COLEC12: variants seen among roughly 807,000 people sequenced by gnomAD.
COLEC12 encodes collectin subfamily member 12, also known as collectin-12.
Under a neutral mutation model 71.1 loss-of-function variants are expected in COLEC12, and 33 were observed. That is an observed-to-expected ratio of 0.46 (90% CI 0.35 to 0.62). The LOEUF (loss-of-function observed/expected upper bound fraction) is 0.62, where lower values mean the gene tolerates loss of function less well. Among genes scored for constraint, COLEC12 ranks in the 20% least tolerant of loss-of-function variants. The pLI is 0.00. For synonymous variants in COLEC12, 350 were observed against 353.0 expected (o/e 0.99, Z 0.10); for missense variants, 765 against 916.1 (o/e 0.84, Z 2.13).
chr18:442,726 C>A (rs1344589892), intron 2 of COLEC12, among the ~76,000 whole-genome samples: 5 of 152,230 alleles, frequency 3.3e-5, no homozygotes, highest in African/African-American at 1.2e-4. Context: ...CTTTGGGAGG[C>A]CAAGGCAGGC....
intron 8 of COLEC12, among the ~76,000 whole-genome samples, chr18:325,350 G>A (rs757811691): frequency 7.2e-5 from 11 of 152,120 alleles, no homozygotes; most frequent in East Asian, 1.9e-4. Flanking sequence ...ATGAGGTCCC[G>A]TGGACAGAGG....
intron 2 of COLEC12, among the ~76,000 whole-genome samples, chr18:448,179 G>A (rs1485829476): frequency 6.6e-6 from 1 of 152,186 alleles, no homozygotes; most frequent in Non-Finnish European, 1.5e-5. Context: ...ACTTTTTGTA[G>A]TAATCTTCTT....
chr18:333,265 C>T (rs991997974), intron 6 of COLEC12, 122 bp from the exon 7 acceptor site: 14 of 771,992 alleles, frequency 1.8e-5, no homozygotes, highest in East Asian at 1.6e-4. Flanking sequence ...CGTCCCTGCA[C>T]GAGGCCCACA....
chr18:409,584 C>G (rs1270145199), intron 2 of COLEC12, among the ~76,000 whole-genome samples: 2 of 152,136 alleles, frequency 1.3e-5, no homozygotes, highest in Non-Finnish European at 2.9e-5. Flanking sequence ...TAGAAAGTAC[C>G]AATGAGTTGT....
chr18:455,278 C>CTTTTTTTTTTTTT (rs33915278), intron 2 of COLEC12, among the ~76,000 whole-genome samples: 1 of 132,484 alleles, frequency 7.5e-6, no homozygotes, highest in African/African-American at 2.9e-5. Flanking sequence ...TTATTTTACG[C>CTTTTTTTTTTTTT]TTTTTTTTTT....
At chr18:384,014 C>T (rs1392271940) in intron 2 of COLEC12, among the ~76,000 whole-genome samples, 1 of 152,138 alleles carries the variant, frequency 6.6e-6, no homozygotes, top group Non-Finnish European at 1.5e-5. Flanking sequence ...GGGGAAACCG[C>T]CCCCATGATC....
chr18:425,282 C>T (rs1916178274), intron 2 of COLEC12, among the ~76,000 whole-genome samples: 1 of 152,192 alleles, frequency 6.6e-6, no homozygotes, highest in South Asian at 2.1e-4. Context: ...CTACTGGAAG[C>T]ATCTTCCTAC....
At chr18:441,109 G>C (rs1401246212) in intron 2 of COLEC12, among the ~76,000 whole-genome samples, 1 of 16,496 alleles carries the variant, frequency 6.1e-5, no homozygotes, top group African/African-American at 1.1e-4. Context: ...TTGGCCAGGC[G>C]TGGTGGCGGG....
chr18:465,012 A>G (rs1292678214), intron 2 of COLEC12, among the ~76,000 whole-genome samples: 2 of 152,104 alleles, frequency 1.3e-5, no homozygotes, highest in Non-Finnish European at 2.9e-5. Context: ...CTGGGATCAC[A>G]TTCTCCCTCA....
chr18:344,748 C>T (rs540411787), intron 5 of COLEC12, among the ~76,000 whole-genome samples: 1 of 152,246 alleles, frequency 6.6e-6, no homozygotes, highest in South Asian at 2.1e-4. Context: ...TGTTTTGTCT[C>T]ATCCATTTAT....
At chr18:455,211 G>A (rs1245301170) in intron 2 of COLEC12, among the ~76,000 whole-genome samples, 2 of 151,838 alleles carry the variant, frequency 1.3e-5, no homozygotes, top group Admixed American at 6.6e-5. Flanking sequence ...GAAAGGCATT[G>A]TGATGCTATA....
chr18:471,322 C>G (rs1031109787), intron 2 of COLEC12, among the ~76,000 whole-genome samples: 3 of 151,802 alleles, frequency 2.0e-5, no homozygotes, highest in Admixed American at 6.6e-5. Context: ...AGATTTGGAA[C>G]TTTCTCATTT....
At chr18:436,797 A>G (rs1916415913) in intron 2 of COLEC12, among the ~76,000 whole-genome samples, 1 of 151,844 alleles carries the variant, frequency 6.6e-6, no homozygotes, top group Non-Finnish European at 1.5e-5. Flanking sequence ...TTCCTCTACC[A>G]CCAGCTGCCA....
At chr18:333,758 C>A in intron 6 of COLEC12, 1 of 152,180 alleles carries the variant, frequency 6.6e-6, no homozygotes. Flanking sequence ...TGGAGCTAAC[C>A]GAGGGAGCCC....
chr18:344,952 A>G (rs753791619), intron 5 of COLEC12, among the ~76,000 whole-genome samples: 1 of 152,238 alleles, frequency 6.6e-6, no homozygotes, highest in African/African-American at 2.4e-5. Context: ...GAGTCCTGCC[A>G]TCTGCTATCC....
intron 1 of COLEC12, among the ~76,000 whole-genome samples, chr18:485,023 T>C (rs2143779843): frequency 6.6e-6 from 1 of 152,312 alleles, no homozygotes; most frequent in Admixed American, 6.5e-5. Context: ...CCCCATTGAC[T>C]AAAACATGCT....
At chr18:402,075 T>C (rs543897124) in intron 2 of COLEC12, among the ~76,000 whole-genome samples, 1 of 152,310 alleles carries the variant, frequency 6.6e-6, no homozygotes, top group South Asian at 2.1e-4. Flanking sequence ...GTTGTCTAGG[T>C]TCTTGGTGTT....
Position 317,286 on chromosome 18 carries a change from A to G in COLEC12, c.*2759T>C, listed in dbSNP as rs927342037. ...TAAGTAGCTAAATATAGAGACGTAT[A>G]GGAGGCATCTTGTAATGTGTGATTA... On this transcript the variant is annotated 3_prime_UTR_variant, in exon 10 of 10. Coordinates refer to ENST00000400256, the MANE Select transcript of COLEC12 (RefSeq NM_130386.3). 6.6e-6 allele frequency: 1 copy of G among 152,224 alleles called. No homozygotes were observed. Among genetic ancestry groups the G allele is most frequent in the South Asian group, 2.1e-4 (1 of 4,824 alleles). 9.4% of individuals were successfully genotyped at this position (152,224 alleles called of 1,614,324 possible). A position where few individuals can be genotyped will look rare whatever the true frequency, so the allele number is the denominator to read the frequency against.
At chr18:322,896 C>T (rs1183670879) in intron 8 of COLEC12, among the ~76,000 whole-genome samples, 1 of 152,064 alleles carries the variant, frequency 6.6e-6, no homozygotes, top group Non-Finnish European at 1.5e-5. Context: ...GAACTGACTC[C>T]CCCACACCAA....
Sources: gnomAD v4.1 joint callset for allele counts (sites outside exome capture counted in the v4.1 genomes callset) on GRCh38, gnomAD v4.1.1 for gene constraint, MANE v1.5 for transcripts, NCBI Gene and HGNC (gene_info 2026-07-23, HGNC 2026-07-21) for gene names.